The following ITGAM variants were observed in gnomAD, a reference collection of about 807,000 sequenced individuals.
ITGAM encodes integrin alpha-M.
Under a neutral mutation model 137.5 loss-of-function variants are expected in ITGAM, and 79 were observed. The ratio of observed to expected loss-of-function variants is 0.57; its 90% CI spans 0.48 to 0.69. ITGAM has a LOEUF of 0.69. Ranked by LOEUF, ITGAM falls within the 30% of genes least tolerant of loss-of-function variation. ITGAM has a pLI of 0.00. For missense variants in ITGAM, 1,343 were observed against 1,483.5 expected (o/e 0.91, Z 1.56); for synonymous variants, 583 against 592.3 (o/e 0.98, Z 0.23).
chr16:31,270,130 C>CTCCTT (rs2079813659), intron 5 of ITGAM, among the ~76,000 whole-genome samples: 1 of 90,748 alleles, frequency 1.1e-5, no homozygotes, highest in Admixed American at 1.2e-4. Context: ...TCCTTCCTTC[C>CTCCTT]TCCTTTGCTT....
chr16:31,268,208 G>A (rs1176820060), intron 5 of ITGAM, among the ~76,000 whole-genome samples: 1 of 152,044 alleles, frequency 6.6e-6, no homozygotes, highest in East Asian at 1.9e-4. Context: ...TGGGTTCTGG[G>A]TTCTCTTTTC....
At position 31,259,982 on chromosome 16, in the gene ITGAM, T is replaced by A; in HGVS notation, c.-83T>A. 8.2e-7 allele frequency: 1 copy of A among 1,219,864 alleles called. No homozygotes were observed. Among genetic ancestry groups the A allele is most frequent in the Non-Finnish European group, 1.2e-6 (1 of 842,858 alleles). The allele number at this position is 1,219,864 out of a possible 1,614,324, so 75.6% of individuals were successfully genotyped here. ...CTACTTCTCCTTTTCTGCCCTTCTT[T>A]GCTTTGGTGGCTTCCTTGTGGTTCC... On this transcript the variant is annotated 5_prime_UTR_variant, in exon 1 of 30. Transcript: ENST00000544665.
At chr16:31,325,733 G>T in intron 21 of ITGAM, 111 bp downstream of exon 21, 1 of 1,315,002 alleles carries the variant, frequency 7.6e-7, no homozygotes, top group African/African-American at 1.5e-5. Context: ...CAGCTTTATT[G>T]AGATATAATT....
intron 16 of ITGAM, 53 bp downstream of exon 16, chr16:31,321,680 G>C: frequency 6.4e-7 from 1 of 1,567,636 alleles, no homozygotes; most frequent in Non-Finnish European, 8.7e-7. Context: ...GACATGAATG[G>C]GTGCTGCAAT....
At chr16:31,289,702 A>G (rs2080066418) in intron 12 of ITGAM, among the ~76,000 whole-genome samples, 1 of 152,330 alleles carries the variant, frequency 6.6e-6, no homozygotes, top group East Asian at 1.9e-4. Context: ...ACATGTATAC[A>G]TATGTAACAA....
At chr16:31,276,801 G>T (rs2079911598) in intron 10 of ITGAM, 57 bp downstream of exon 10, 8 of 1,566,368 alleles carry the variant, frequency 5.1e-6, no homozygotes, top group Non-Finnish European at 7.0e-6. Flanking sequence ...AGAAGAGATA[G>T]GAGAGATGTG....
At chr16:31,296,332 C>T (rs1354603783) in intron 12 of ITGAM, among the ~76,000 whole-genome samples, 6 of 150,758 alleles carry the variant, frequency 4.0e-5, no homozygotes, top group South Asian at 4.2e-4. Flanking sequence ...AGGTTGGTCT[C>T]GAACTCCTGA....
At chr16:31,273,307 A>G in intron 7 of ITGAM, 58 bp from the exon 8 acceptor site, 1 of 1,507,818 alleles carries the variant, frequency 6.6e-7, no homozygotes, top group Non-Finnish European at 9.0e-7. Flanking sequence ...TAAAAAAAAA[A>G]AAAAACTAGT....
At chr16:31,321,750 C>A in intron 16 of ITGAM, 123 bp downstream of exon 16, 1 of 998,620 alleles carries the variant, frequency 1.0e-6, no homozygotes, top group Non-Finnish European at 1.5e-6. Flanking sequence ...TGACAACCTT[C>A]TCCAAGCCTT....
Position 31,276,683 on chromosome 16 carries a change from G to C in ITGAM, c.1022G>C (p.Gly341Ala). Residue 341 changes from glycine (G) to alanine (A), a missense_variant, in exon 10 of 30, where the codon GGA (glycine) becomes GCA (alanine). Gly to Ala is a moderately conservative substitution (Grantham distance 60). Coordinates refer to ENST00000544665, the MANE Select transcript of ITGAM (RefSeq NM_000632.4). The part of the protein sequence containing the change: ...KIFAIEGTQT[G>A]SSSSFEHEMS... ...CTCCTCTTTACAGGTACTCAGACAG[G>C]AAGTAGCAGCTCCTTTGAGCATGAG... 1 of 1,611,258 alleles carries C rather than the reference G, an allele frequency of 6.2e-7. No individual in the cohort carries two copies. Among genetic ancestry groups the C allele is most frequent in the South Asian group, 1.1e-5 (1 of 90,458 alleles).
chr16:31,302,401 T>TTTCTTTCTTTC (rs1179355370), intron 14 of ITGAM, among the ~76,000 whole-genome samples: 73 of 138,232 alleles, frequency 5.3e-4, no homozygotes, highest in African/African-American at 1.1e-3. Flanking sequence ...TTTTCTTTTC[T>TTTCTTTCTTTC]TTTCTTTTTT....
intron 14 of ITGAM, among the ~76,000 whole-genome samples, chr16:31,300,266 A>C (rs539953825): frequency 6.2e-4 from 95 of 152,324 alleles, no homozygotes; most frequent in African/African-American, 2.2e-3. Context: ...TCTCTTTAAG[A>C]TCATAATCCC....
In ITGAM at chr16:31,324,947, TTTTTTAA is replaced by T. The variant is rs760426850; in HGVS notation, c.2290-10_2290-4del. ...CTTTCCTTTCATTTGATCATATTTA[TTTTTTAA>T]AAGTTTCCCTTTGAGAAGAATTGTG... On this transcript the variant is annotated splice_polypyrimidine_tract_variant and splice_region_variant and intron_variant, in intron 18 of 29. Transcript: ENST00000544665. This position sits in a 1 kb window ranked among gnomAD's most constrained non-coding sequence, Gnocchi z 4.5. 6.2e-7 allele frequency: 1 copy of T among 1,604,188 alleles called. No homozygotes were observed.
intron 12 of ITGAM, among the ~76,000 whole-genome samples, chr16:31,292,293 A>T (rs532574734): frequency 6.6e-6 from 1 of 152,204 alleles, no homozygotes; most frequent in South Asian, 2.1e-4. Context: ...GTTTGAGGGT[A>T]CACATGAAAG....
At chr16:31,292,249 T>C (rs1420141133) in intron 12 of ITGAM, among the ~76,000 whole-genome samples, 1 of 152,082 alleles carries the variant, frequency 6.6e-6, no homozygotes, top group Non-Finnish European at 1.5e-5. Flanking sequence ...AAAAATTAGA[T>C]TGATATTTTA....
intron 12 of ITGAM, among the ~76,000 whole-genome samples, chr16:31,280,667 A>G (rs2079958436): frequency 6.6e-6 from 1 of 152,322 alleles, no homozygotes; most frequent in South Asian, 2.1e-4. Context: ...TAAATATACA[A>G]TCATGTCGTC....
At chr16:31,287,261 C>T (rs1407249051) in intron 12 of ITGAM, among the ~76,000 whole-genome samples, 1 of 152,092 alleles carries the variant, frequency 6.6e-6, no homozygotes, top group African/African-American at 2.4e-5. Context: ...TGTACCAGTA[C>T]CATACTGTTT....
At chr16:31,269,139 G>A (rs555257440) in intron 5 of ITGAM, among the ~76,000 whole-genome samples, 9 of 152,222 alleles carry the variant, frequency 5.9e-5, no homozygotes, top group East Asian at 1.9e-4. Flanking sequence ...ATCGGGAGTC[G>A]GAGCTGTCTT....
At chr16:31,328,730 GTATT>G (rs1308433997) in intron 23 of ITGAM, among the ~76,000 whole-genome samples, 3 of 150,040 alleles carry the variant, frequency 2.0e-5, no homozygotes, top group African/African-American at 4.9e-5. Flanking sequence ...GCCTGGGTGT[GTATT>G]TGTGCGTATG....
Sources: gnomAD v4.1 joint callset for allele counts (sites outside exome capture counted in the v4.1 genomes callset) on GRCh38, gnomAD v4.1.1 for gene constraint, Gnocchi (gnomAD v3.1) non-coding constraint, MANE v1.5 for transcripts, NCBI Gene and HGNC (gene_info 2026-07-23, HGNC 2026-07-21) for gene names.